HSP90AA1: variants seen among roughly 807,000 people sequenced by gnomAD.
HSP90AA1 encodes the protein heat shock protein 90 alpha family class A member 1.
In HSP90AA1, 18 loss-of-function variants were observed where a neutral mutation model predicts 73.3. That is an observed-to-expected ratio of 0.25 (90% CI 0.17 to 0.36). The LOEUF (loss-of-function observed/expected upper bound fraction) is 0.36. Ranked by LOEUF, HSP90AA1 falls within the 10% of genes least tolerant of loss-of-function variation. The pLI, the probability that HSP90AA1 is intolerant of heterozygous loss-of-function variation, is 1.00. For missense variants in HSP90AA1, 704 were observed against 874.2 expected (o/e 0.81, Z 2.45); for synonymous variants, 477 against 296.9 (o/e 1.61, Z -6.24).
intron 1 of HSP90AA1, among the ~76,000 whole-genome samples, chr14:102,133,353 C>T (rs2049932739): frequency 6.6e-6 from 1 of 152,074 alleles, no homozygotes; most frequent in African/African-American, 2.4e-5. Context: ...AATATGTACA[C>T]AAAATTTTGA....
intron 6 of HSP90AA1, 97 bp from the exon 7 acceptor site, chr14:102,084,080 A>G: frequency 1.0e-6 from 1 of 987,900 alleles, no homozygotes; most frequent in Non-Finnish European, 1.6e-6. Context: ...AGATGATGGG[A>G]CGTATTTTTG....
At position 102,082,360 on chromosome 14, in the gene HSP90AA1, T is replaced by C. The variant is rs1295440363; in HGVS notation, c.1840A>G (p.Met614Val). 2 of 1,614,040 alleles carry C rather than the reference T, an allele frequency of 1.2e-6. No homozygotes were observed. The highest frequency in any genetic ancestry group is 1.7e-6 in the Non-Finnish European group (2 of 1,179,904). ...TTGTCTCTTAGGGCTTGAGCTTTCATGATTCTCTCCATGTTTGCTGTCCAG... is the reference window on the plus strand; with the variant it reads ...TTGTCTCTTAGGGCTTGAGCTTTCACGATTCTCTCCATGTTTGCTGTCCAG... ...YGWTANMERI[M>V]KAQALRDNST... Residue 614 changes from methionine (M) to valine (V), a missense_variant, in exon 10 of 11, where the codon ATG becomes GTG. Coordinates refer to ENST00000216281, the MANE Select transcript of HSP90AA1 (RefSeq NM_005348.4).
intron 2 of HSP90AA1, among the ~76,000 whole-genome samples, chr14:102,098,553 TC>T (rs1375172747): frequency 7.2e-6 from 1 of 138,162 alleles, no homozygotes; most frequent in Non-Finnish European, 1.5e-5. Flanking sequence ...AACCTCCGAC[TC>T]CCTGGTTCAA....
rs11547522 is a variant in HSP90AA1, at chr14:102,086,246, G to A, written c.133C>T (p.Leu45=). Residue 45 remains leucine, a synonymous_variant, in exon 2 of 11, where the codon CTG becomes TTG. Transcript: ENST00000216281. ...NTFYSNKEIF[L]RELISNSSDA... Reference sequence around the variant, plus strand: ...GATGAATTTGAAATGAGCTCTCTCAGAAAGATCTCTTTGTTCGAGTAGAAA... The same window carrying A: ...GATGAATTTGAAATGAGCTCTCTCAAAAAGATCTCTTTGTTCGAGTAGAAA... 1.2e-6 allele frequency: 2 copies of A among 1,614,192 alleles called. No homozygotes were observed. The highest frequency in any genetic ancestry group is 1.7e-6 in the Non-Finnish European group (2 of 1,180,018).
intron 6 of HSP90AA1, 141 bp downstream of exon 6, chr14:102,084,258 C>G (rs893841806): frequency 2.6e-6 from 2 of 778,348 alleles, no homozygotes; most frequent in African/African-American, 3.4e-5. Context: ...GTTGCCCAGG[C>G]TGGTCTTGAA....
chr14:102,089,395 T>TC (rs373758834), upstream of HSP90AA1, among the ~76,000 whole-genome samples: 1 of 151,932 alleles, frequency 6.6e-6, no homozygotes, highest in African/African-American at 2.4e-5. Context: ...TTTCCAGCTC[T>TC]CCCCCCTCGG....
intron 3 of HSP90AA1, 108 bp from the exon 4 acceptor site, chr14:102,085,539 G>A (rs2049207423): frequency 1.5e-5 from 19 of 1,262,312 alleles, no homozygotes; most frequent in Non-Finnish European, 1.9e-5. Flanking sequence ...CGTTACTACA[G>A]ATGCAAAGGC....
rs11547531 is a variant in HSP90AA1 at position 102,081,265 on chromosome 14, A to G, written c.*447T>C. ...TTGCTTCAGTTTAACCTATTTCTAG[A>G]GGACTAGTACATGCAGAATTGTCAA... On this transcript the variant is annotated 3_prime_UTR_variant, in exon 11 of 11. Coordinates refer to ENST00000216281, the MANE Select transcript of HSP90AA1 (RefSeq NM_005348.4). 0.035 allele frequency: 8,902 copies of G among 252,598 alleles called. 223 individuals carry two copies. Among genetic ancestry groups the G allele is most frequent in the Non-Finnish European group, 0.047 (6,112 of 128,772 alleles). 15.6% of individuals were successfully genotyped at this position (252,598 alleles called of 1,614,324 possible).
At chr14:102,126,155 T>G (rs763196767) in intron 1 of HSP90AA1, among the ~76,000 whole-genome samples, 1 of 151,398 alleles carries the variant, frequency 6.6e-6, no homozygotes, top group Non-Finnish European at 1.5e-5. Context: ...CAGGCAGGAG[T>G]GATTTTTGGA....
At chr14:102,136,431 T>G (rs1249334930) in intron 1 of HSP90AA1, among the ~76,000 whole-genome samples, 2 of 150,308 alleles carry the variant, frequency 1.3e-5, no homozygotes, top group Non-Finnish European at 3.0e-5. Flanking sequence ...TGGCCAGGCC[T>G]GGTGGCACAT....
intron 1 of HSP90AA1, among the ~76,000 whole-genome samples, 174 bp downstream of exon 1, chr14:102,086,812 G>A (rs1402804513): frequency 6.6e-6 from 1 of 151,720 alleles, no homozygotes; most frequent in Non-Finnish European, 1.5e-5. Context: ...CTGAAGCGGG[G>A]TGCGGAAACC....
At chr14:102,102,830 G>A (rs2049511932) in intron 1 of HSP90AA1, among the ~76,000 whole-genome samples, 1 of 152,078 alleles carries the variant, frequency 6.6e-6, no homozygotes. Flanking sequence ...AAGCCTAGGA[G>A]TTTGAGCCTA....
In HSP90AA1 at chr14:102,123,168, G is replaced by A. The variant is rs546313842; in HGVS notation, c.155+16082C>T. 7.9e-5 allele frequency among the ~76,000 whole-genome samples: 12 copies of A among 151,874 alleles called. No homozygotes were observed. In the South Asian group the frequency reaches 2.5e-3, roughly 32 times the overall value. On this transcript the variant is annotated intron_variant, in intron 1 of 11. Transcript: ENST00000334701. ...CCAGTATTTTGGGAGGCCAAGGTGG[G>A]TGGATCACCTGAGGTCAGGAGTTCG...
At chr14:102,084,162 C>T in intron 6 of HSP90AA1, 179 bp from the exon 7 acceptor site, 6 of 695,064 alleles carry the variant, frequency 8.6e-6, no homozygotes, top group Admixed American at 7.0e-5. Context: ...CTCTGCCTCC[C>T]GGGGGGGTTC....
At position 102,085,350 on chromosome 14, in the gene HSP90AA1, T is replaced by C; in HGVS notation, c.611A>G (p.Lys204Arg). The C allele has an allele frequency of 6.2e-7, 1 of 1,612,602 alleles. No homozygotes were observed. Among genetic ancestry groups the C allele is most frequent in the Non-Finnish European group, 8.5e-7 (1 of 1,178,612 alleles). The stretch of plus-strand genomic sequence containing the variant: ...CTGAGAATGTTTCTTCACAATCTCC[T>C]TTATTCTTCGTTCCTCCAAGTACTC... ...QTEYLEERRI[K>R]EIVKKHSQFI... Residue 204 changes from lysine (K) to arginine (R), a missense_variant, in exon 4 of 11, where the codon AAG becomes AGG. By Grantham distance (26) the Lys-to-Arg change is conservative (BLOSUM62 2). Coordinates refer to ENST00000216281, the MANE Select transcript of HSP90AA1 (RefSeq NM_005348.4).
Position 102,136,111 on chromosome 14 carries a change from G to C in HSP90AA1, c.155+3139C>G, listed in dbSNP as rs117181658. 3.9e-3 allele frequency among the ~76,000 whole-genome samples: 597 copies of C among 152,310 alleles called. 4 individuals carry two copies. Among genetic ancestry groups the C allele is most frequent in the Non-Finnish European group, 4.8e-3 (324 of 68,028 alleles). On this transcript the variant is annotated intron_variant, in intron 1 of 11. Coordinates refer to the HSP90AA1 transcript ENST00000334701. ...AATTGTGTGGGTATTTCAAATAATT[G>C]AAAGTTTTTGGACAAAAGAATATGT...
upstream of HSP90AA1, among the ~76,000 whole-genome samples, chr14:102,087,400 G>A (rs1258840857): frequency 1.3e-5 from 2 of 151,784 alleles, no homozygotes; most frequent in Admixed American, 6.6e-5. Flanking sequence ...GCGGGCGGGC[G>A]GAGGGCACGC....
In HSP90AA1 at chr14:102,085,822, G is replaced by C. The variant is rs1480011070; in HGVS notation, c.465C>G (p.Asn155Lys). ...ACTCCCAAGCGTACTGCTCATCATC[G>C]TTATGTTTGGTGATCACAGTTACTT... ...AEKVTVITKH[N>K]DDEQYAWESS... Residue 155 changes from asparagine to lysine, a missense_variant, in exon 3 of 11, where the codon AAC becomes AAG. Transcript: ENST00000216281. 6.2e-7 allele frequency: 1 copy of C among 1,613,868 alleles called. No individual in the cohort carries two copies. Among genetic ancestry groups the C allele is most frequent in the Non-Finnish European group, 8.5e-7 (1 of 1,179,848 alleles).
chr14:102,086,956 C>A, intron 1 of HSP90AA1, 30 bp downstream of exon 1: 2 of 981,284 alleles, frequency 2.0e-6, no homozygotes, highest in Non-Finnish European at 2.4e-6. Context: ...CCCCAGTCCA[C>A]CTCCACAGGC....
Sources: allele counts gnomAD v4.1 joint callset (sites outside exome capture counted in the v4.1 genomes callset), GRCh38; gene constraint gnomAD v4.1.1; transcripts MANE v1.5; gene names NCBI Gene and HGNC (gene_info 2026-07-23, HGNC 2026-07-21).